The following ETNK1 variants were observed in gnomAD, a reference collection of about 807,000 sequenced individuals.
ETNK1 encodes the protein putative protein product of Nbla10396.
ETNK1 carries 8 observed loss-of-function variants against 45.1 expected under a neutral mutation model. The observed-to-expected ratio is 0.18, with a 90% confidence interval of 0.10 to 0.32. The LOEUF is 0.32. Among genes scored for constraint, ETNK1 ranks in the 10% least tolerant of loss-of-function variants. ETNK1 has a pLI of 1.00. For missense variants in ETNK1, 302 were observed against 430.6 expected (o/e 0.70, Z 2.64); for synonymous variants, 152 against 151.9 (o/e 1.00, Z -0.01).
chr12:22,675,222 A>AT (rs143003449), intron 6 of ETNK1, among the ~76,000 whole-genome samples: 5 of 151,660 alleles, frequency 3.3e-5, no homozygotes, highest in South Asian at 4.2e-4. Flanking sequence ...TGCCTGGCTA[A>AT]TTTTTTTAAT....
intron 4 of ETNK1, among the ~76,000 whole-genome samples, chr12:22,664,269 A>G (rs528479374): frequency 1.1e-4 from 17 of 152,148 alleles, no homozygotes; most frequent in African/African-American, 3.8e-4. Context: ...TGCATATAAT[A>G]TAACTAGTAG....
chr12:22,645,624 A>G (rs1309075133), intron 2 of ETNK1, among the ~76,000 whole-genome samples: 2 of 151,698 alleles, frequency 1.3e-5, no homozygotes, highest in Admixed American at 6.6e-5. Flanking sequence ...TTTGTGGTAC[A>G]TGTGATATTT....
intron 1 of ETNK1, among the ~76,000 whole-genome samples, chr12:22,641,330 A>G (rs777720101): frequency 9.9e-5 from 15 of 152,234 alleles, no homozygotes; most frequent in Non-Finnish European, 1.8e-4. Context: ...GAAATGAAGC[A>G]GGCCCAAAGT....
chr12:22,690,030 T>G lies in ETNK1; in HGVS notation c.*5076T>G, dbSNP rs1209596323. 6.6e-6 allele frequency: 1 copy of G among 152,468 alleles called. No individual in the cohort carries two copies. The highest frequency in any genetic ancestry group is 1.5e-5 in the Non-Finnish European group (1 of 67,918). The allele number at this position is 152,468 out of a possible 1,614,324, so 9.4% of individuals were successfully genotyped here. On this transcript the variant is annotated 3_prime_UTR_variant, in exon 8 of 8. Transcript: ENST00000266517. ...TTATTCCATGTGCTTAAATGATAATTTCCTTATTCAGTTTCAGAAGAAAAA... is the reference window on the plus strand; with the variant it reads ...TTATTCCATGTGCTTAAATGATAATGTCCTTATTCAGTTTCAGAAGAAAAA...
intron 2 of ETNK1, among the ~76,000 whole-genome samples, chr12:22,658,635 A>G (rs1953968271): frequency 6.6e-6 from 1 of 152,226 alleles, no homozygotes; most frequent in African/African-American, 2.4e-5. Context: ...AACTCCAAAT[A>G]CAGCATGGGC....
intron 6 of ETNK1, 121 bp downstream of exon 6, chr12:22,673,781 T>A: frequency 1.0e-6 from 1 of 1,004,340 alleles, no homozygotes; most frequent in Non-Finnish European, 1.4e-6. Context: ...CAAAATAATG[T>A]AAATACATGA....
chr12:22,636,201 G>A (rs1447886451), intron 1 of ETNK1, among the ~76,000 whole-genome samples: 1 of 152,038 alleles, frequency 6.6e-6, no homozygotes, highest in Non-Finnish European at 1.5e-5. Context: ...GTTGTTGAGT[G>A]TAGTGTTCTG....
At chr12:22,632,577 A>G (rs1327271015) in intron 1 of ETNK1, among the ~76,000 whole-genome samples, 1 of 151,848 alleles carries the variant, frequency 6.6e-6, no homozygotes, top group Non-Finnish European at 1.5e-5. Context: ...TGATGCTATC[A>G]TAGCTCACTG....
chr12:22,630,146 C>G (rs933912792), intron 1 of ETNK1, among the ~76,000 whole-genome samples: 4 of 152,114 alleles, frequency 2.6e-5, no homozygotes, highest in Non-Finnish European at 5.9e-5. Context: ...CATTTATAAC[C>G]TTTGGCAAGT....
intron 2 of ETNK1, among the ~76,000 whole-genome samples, chr12:22,649,745 T>C (rs906444131): frequency 1.3e-5 from 2 of 152,138 alleles, no homozygotes; most frequent in African/African-American, 2.4e-5. Context: ...TAAAATGGAC[T>C]TTTTAAGAAT....
chr12:22,665,367 ATT>A (rs1954044401), intron 4 of ETNK1, among the ~76,000 whole-genome samples: 1 of 152,176 alleles, frequency 6.6e-6, no homozygotes, highest in Non-Finnish European at 1.5e-5. Context: ...TTTTTGTACT[ATT>A]GATAGTCTAG....
intron 1 of ETNK1, chr12:22,639,015 T>C (rs868255340): frequency 4.6e-5 from 7 of 152,168 alleles, no homozygotes; most frequent in Non-Finnish European, 7.3e-5. Flanking sequence ...AATAAAATTT[T>C]ACCTCAAAAA....
rs766088646 is a variant in ETNK1, at chr12:22,643,947, A to G, written c.341A>G (p.Asn114Ser). The G allele has an allele frequency of 2.5e-5, 41 of 1,613,358 alleles. 1 individual carries two copies. In the South Asian group the frequency reaches 4.1e-4, roughly 16 times the overall value. The change falls in exon 2 of 8, where the codon AAT becomes AGT. Residue 114 changes from asparagine (N) to serine (S), a missense_variant. Transcript: ENST00000266517. Reference protein sequence around the residue: ...GCAPQLYCTFNNGLCYEFIQG... With the variant: ...GCAPQLYCTFSNGLCYEFIQG... ...GCACCACAACTCTACTGTACCTTCA[A>G]TAATGGACTATGCTATGAATTTATA... is the stretch of plus-strand genomic sequence containing the variant.
intron 2 of ETNK1, chr12:22,644,386 C>T (rs1953780434): frequency 7.5e-7 from 1 of 1,332,066 alleles, no homozygotes; most frequent in Admixed American, 3.2e-5. Context: ...GAGTTCTTGC[C>T]TATTAAAATT....
Position 22,689,619 on chromosome 12 carries a change from G to C in ETNK1, c.*4665G>C, listed in dbSNP as rs543890591. On this transcript the variant is annotated 3_prime_UTR_variant, in exon 8 of 8. Coordinates refer to ENST00000266517, the MANE Select transcript of ETNK1 (RefSeq NM_018638.5). ...AAAAAAACTAGCCAACAGAATTGTA[G>C]GTGATGCATTAGTTAAATTTCAAAA... is the stretch of plus-strand genomic sequence containing the variant. 1.3e-5 allele frequency: 2 copies of C among 152,094 alleles called. No homozygotes were observed. The highest frequency in any genetic ancestry group is 2.1e-4 in the South Asian group (1 of 4,826). 9.4% of individuals were successfully genotyped at this position (152,094 alleles called of 1,614,324 possible).
chr12:22,637,331 A>T (rs1240931721), intron 1 of ETNK1, among the ~76,000 whole-genome samples: 1 of 152,094 alleles, frequency 6.6e-6, no homozygotes, highest in African/African-American at 2.4e-5. Flanking sequence ...TTTGTGGGAG[A>T]GGGGTTGTTT....
chr12:22,659,850 T>C (rs1330278479), intron 3 of ETNK1, among the ~76,000 whole-genome samples: 1 of 152,088 alleles, frequency 6.6e-6, no homozygotes, highest in Non-Finnish European at 1.5e-5. Context: ...TTGGAAAAGC[T>C]GGAGGTGTGC....
intron 4 of ETNK1, among the ~76,000 whole-genome samples, chr12:22,669,678 T>A (rs1954088366): frequency 6.6e-6 from 1 of 152,168 alleles, no homozygotes; most frequent in African/African-American, 2.4e-5. Context: ...TTTAGTAAAA[T>A]GATTTGGTTA....
rs1954253138 is a variant in ETNK1 at position 22,685,504 on chromosome 12, G to A, written c.*550G>A. ...TATAAAAATAGCTGTTTAGGAAGGT[G>A]AAATACATTCACTGTCTCTGTTGGT... On this transcript the variant is annotated 3_prime_UTR_variant, in exon 8 of 8. Transcript: ENST00000266517. 6.6e-6 allele frequency: 1 copy of A among 151,852 alleles called. No individual in the cohort carries two copies. Among genetic ancestry groups the A allele is most frequent in the African/African-American group, 2.4e-5 (1 of 41,418 alleles). The allele number at this position is 151,852 out of a possible 1,614,324, so 9.4% of individuals were successfully genotyped here.
Sources: gnomAD v4.1 joint callset for allele counts (sites outside exome capture counted in the v4.1 genomes callset) on GRCh38, gnomAD v4.1.1 for gene constraint, MANE v1.5 for transcripts, NCBI Gene and HGNC (gene_info 2026-07-23, HGNC 2026-07-21) for gene names.